Variants in GRID1 observed in about 807,000 individuals in gnomAD.
The protein encoded by GRID1 is glutamate receptor ionotropic, delta-1.
A neutral mutation model predicts 98.0 loss-of-function variants in GRID1; 28 were observed. That is an observed-to-expected ratio of 0.29 (90% CI 0.21 to 0.39). GRID1 has a LOEUF of 0.39. Ranked by LOEUF, GRID1 falls within the 10% of genes least tolerant of loss-of-function variation. The probability of loss-of-function intolerance (pLI) is 1.00; values close to 1 mark genes in which losing one functional copy is unlikely to be tolerated. For synonymous variants in GRID1, 553 were observed against 538.5 expected (o/e 1.03, Z -0.37); for missense variants, 1,111 against 1,340.5 (o/e 0.83, Z 2.67).
chr10:86,146,301 T>C (rs1183696228), intron 3 of GRID1, among the ~76,000 whole-genome samples: 2 of 152,204 alleles, frequency 1.3e-5, no homozygotes, highest in African/African-American at 2.4e-5. Flanking sequence ...TATTTTTACT[T>C]CTTTCTTACC....
chr10:85,737,462 A>G (rs564001703), intron 8 of GRID1, among the ~76,000 whole-genome samples: 2 of 151,780 alleles, frequency 1.3e-5, no homozygotes, highest in Non-Finnish European at 2.9e-5. Flanking sequence ...CTACTACCTT[A>G]AAGCCCAGGC....
chr10:86,271,751 A>G (rs1263949079), intron 2 of GRID1, among the ~76,000 whole-genome samples: 1 of 152,232 alleles, frequency 6.6e-6, no homozygotes, highest in Admixed American at 6.5e-5. Flanking sequence ...CAAAAAAGAG[A>G]AAAGAAGAAA....
At chr10:85,824,688 AC>A (rs535735557) in intron 8 of GRID1, among the ~76,000 whole-genome samples, 1 of 149,416 alleles carries the variant, frequency 6.7e-6, no homozygotes, top group Non-Finnish European at 1.5e-5. Context: ...ATCCCTCACC[AC>A]CCCCCCACCA....
At chr10:86,017,491 G>A (rs1017532252) in intron 4 of GRID1, among the ~76,000 whole-genome samples, 2 of 152,244 alleles carry the variant, frequency 1.3e-5, no homozygotes, top group Non-Finnish European at 2.9e-5. Flanking sequence ...GCACCAGGCT[G>A]CCTGTTGCTC....
chr10:86,138,408 G>T (rs994220635), intron 4 of GRID1, among the ~76,000 whole-genome samples: 3 of 152,128 alleles, frequency 2.0e-5, no homozygotes, highest in African/African-American at 7.2e-5. Context: ...TCCTCCAGGT[G>T]CTAAGAAATC....
intron 4 of GRID1, among the ~76,000 whole-genome samples, chr10:86,069,686 A>G (rs1341291667): frequency 6.6e-6 from 1 of 152,174 alleles, no homozygotes; most frequent in Admixed American, 6.5e-5. Flanking sequence ...TCCTTCCCCG[A>G]CATCCTGAAC....
At chr10:85,945,027 T>C (rs1260510729) in intron 4 of GRID1, among the ~76,000 whole-genome samples, 1 of 152,238 alleles carries the variant, frequency 6.6e-6, no homozygotes, top group Admixed American at 6.5e-5. Context: ...AAAGGTTAAC[T>C]CATGGCTTTG....
chr10:86,212,946 G>T (rs1020189160), intron 2 of GRID1, among the ~76,000 whole-genome samples: 2 of 152,096 alleles, frequency 1.3e-5, no homozygotes, highest in Non-Finnish European at 1.5e-5. Flanking sequence ...CAATGCTAGA[G>T]CTCGGGCCCT....
At chr10:85,649,389 C>T (rs2132555244) in intron 12 of GRID1, among the ~76,000 whole-genome samples, 1 of 152,222 alleles carries the variant, frequency 6.6e-6, no homozygotes, top group Middle Eastern at 3.4e-3. Context: ...AATTATTGTT[C>T]ATTATTTATA....
At chr10:85,846,311 T>A (rs1286738584) in intron 8 of GRID1, among the ~76,000 whole-genome samples, 3 of 152,156 alleles carry the variant, frequency 2.0e-5, no homozygotes, top group Non-Finnish European at 2.9e-5. Flanking sequence ...AGGGGGCAGA[T>A]CACTTGAGGC....
At chr10:86,292,847 TGA>T (rs1847535625) in intron 2 of GRID1, among the ~76,000 whole-genome samples, 2 of 151,912 alleles carry the variant, frequency 1.3e-5, no homozygotes, top group South Asian at 2.1e-4. Context: ...TGTATATGTA[TGA>T]GTGTGTGAGT....
intron 2 of GRID1, among the ~76,000 whole-genome samples, chr10:86,212,199 C>A (rs529884683): frequency 6.6e-6 from 1 of 152,354 alleles, no homozygotes; most frequent in South Asian, 2.1e-4. Flanking sequence ...TGCCACCCCC[C>A]AGTCACGACA....
At chr10:85,626,385 T>C (rs1842912509) in intron 13 of GRID1, among the ~76,000 whole-genome samples, 1 of 152,256 alleles carries the variant, frequency 6.6e-6, no homozygotes, top group South Asian at 2.1e-4. Flanking sequence ...AAAATTCACC[T>C]ACTGTCTTTG....
At position 85,713,629 on chromosome 10, in the gene GRID1, A is replaced by G. The variant is rs981779691; in HGVS notation, c.1997+9374T>C. Among the ~76,000 whole-genome samples, 5 of 102,916 alleles carry G rather than the reference A, an allele frequency of 4.9e-5. 1 individual carries two copies. The highest frequency in any genetic ancestry group is 9.4e-5 in the Admixed American group (1 of 10,648). 67.5% of individuals were successfully genotyped at this position (102,916 alleles called of 152,430 possible). On this transcript the variant is annotated intron_variant, in intron 12 of 15. Coordinates refer to ENST00000327946, the MANE Select transcript of GRID1 (RefSeq NM_017551.3). ...GCTAACAAACCTAATTCAATAGCAC[A>G]TTAAAAAAAAAAAAAACATATCCCA...
chr10:86,273,199 G>T (rs1441076352), intron 2 of GRID1, among the ~76,000 whole-genome samples: 4 of 151,436 alleles, frequency 2.6e-5, no homozygotes, highest in Non-Finnish European at 5.9e-5. Context: ...TACTGAGAAT[G>T]ATGATTTCCA....
chr10:86,225,371 T>C (rs1374241966), intron 2 of GRID1, among the ~76,000 whole-genome samples: 1 of 152,216 alleles, frequency 6.6e-6, no homozygotes, highest in Admixed American at 6.5e-5. Flanking sequence ...TTTAAAAGGA[T>C]ATAACACCAA....
In GRID1 at chr10:85,955,461, C is replaced by T. The variant is rs141918611; in HGVS notation, c.727-39222G>A. ...AATCAGTGGTAGAGGGTCCAGCTGGCCTCTGCCCGGTCCCCTACCTAGGAG... is the reference window on the plus strand; with the variant it reads ...AATCAGTGGTAGAGGGTCCAGCTGGTCTCTGCCCGGTCCCCTACCTAGGAG... On this transcript the variant is annotated intron_variant, in intron 4 of 15. Coordinates refer to ENST00000327946, the MANE Select transcript of GRID1 (RefSeq NM_017551.3). Among the ~76,000 whole-genome samples, 579 of 152,246 alleles carry T rather than the reference C, an allele frequency of 3.8e-3. 6 individuals are homozygous for T. Among genetic ancestry groups the T allele is most frequent in the South Asian group, 0.011 (51 of 4,812 alleles).
intron 5 of GRID1, among the ~76,000 whole-genome samples, chr10:85,893,512 G>T (rs1841235859): frequency 6.6e-6 from 1 of 152,062 alleles, no homozygotes; most frequent in Admixed American, 6.6e-5. Context: ...AAACCTACCA[G>T]AACTAAGAAG....
At chr10:85,913,941 C>T (rs1841575264) in intron 5 of GRID1, among the ~76,000 whole-genome samples, 1 of 152,234 alleles carries the variant, frequency 6.6e-6, no homozygotes, top group Admixed American at 6.5e-5. Context: ...TTCACACCAT[C>T]CATGTGCACT....
Sources: gnomAD v4.1 joint callset for allele counts (sites outside exome capture counted in the v4.1 genomes callset) on GRCh38, gnomAD v4.1.1 for gene constraint, MANE v1.5 for transcripts, NCBI Gene and HGNC (gene_info 2026-07-23, HGNC 2026-07-21) for gene names.